Variants in NEBL observed in about 807,000 individuals in gnomAD.
The protein encoded by NEBL is nebulette.
NEBL carries 122 observed loss-of-function variants against 140.2 expected under a neutral mutation model. That is an observed-to-expected ratio of 0.87 (90% CI 0.75 to 1.01). NEBL has a LOEUF of 1.01. NEBL is among the 50% of genes least tolerant of loss of function. NEBL has a pLI of 0.00. For synonymous variants in NEBL, 436 were observed against 398.9 expected (o/e 1.09, Z -1.11); for missense variants, 1,365 against 1,231.3 (o/e 1.11, Z -1.62).
chr10:21,154,967 G>A (rs527988526), intron 2 of NEBL, among the ~76,000 whole-genome samples: 5 of 152,278 alleles, frequency 3.3e-5, no homozygotes, highest in East Asian at 1.9e-4. Flanking sequence ...TTGGGAGGCC[G>A]AGGCGGGTGG....
intron 2 of NEBL, among the ~76,000 whole-genome samples, chr10:21,152,842 A>G (rs1050807748): frequency 4.6e-5 from 7 of 152,198 alleles, no homozygotes; most frequent in Admixed American, 1.3e-4. Context: ...CTTCTAAAAT[A>G]AAGAGTGACC....
At chr10:21,095,669 T>G (rs1837153679) in intron 2 of NEBL, among the ~76,000 whole-genome samples, 1 of 152,228 alleles carries the variant, frequency 6.6e-6, no homozygotes, top group Non-Finnish European at 1.5e-5. Flanking sequence ...AATCTGAATT[T>G]GGGGCACTTG....
At chr10:21,122,616 A>G (rs1564518824) in intron 2 of NEBL, among the ~76,000 whole-genome samples, 1 of 152,200 alleles carries the variant, frequency 6.6e-6, no homozygotes, top group Non-Finnish European at 1.5e-5. Context: ...GAAGAAGGGT[A>G]CTATAAAAGG....
intron 2 of NEBL, among the ~76,000 whole-genome samples, chr10:21,025,033 G>C (rs1838968639): frequency 6.6e-6 from 1 of 152,088 alleles, no homozygotes; most frequent in African/African-American, 2.4e-5. Context: ...AAGGAAAACA[G>C]AAGATTTCTC....
intron 3 of NEBL, among the ~76,000 whole-genome samples, chr10:21,220,574 T>C (rs1200704669): frequency 6.6e-6 from 1 of 152,164 alleles, no homozygotes; most frequent in Non-Finnish European, 1.5e-5. Flanking sequence ...AAAAGCTCCA[T>C]GACATTGATC....
chr10:21,096,847 A>G (rs1456462666), intron 2 of NEBL, among the ~76,000 whole-genome samples: 1 of 152,070 alleles, frequency 6.6e-6, no homozygotes, highest in Non-Finnish European at 1.5e-5. Context: ...GGCTAGTTTC[A>G]TCACATTGGT....
rs149458191 is a variant in NEBL at position 21,213,676 on chromosome 10, G to A, written n.348+34245C>T. Among the ~76,000 whole-genome samples, 624 of 152,334 alleles carry A rather than the reference G, an allele frequency of 4.1e-3. 2 individuals carry two copies. The highest frequency in any genetic ancestry group is 8.1e-3 in the Admixed American group (124 of 15,298). Reference sequence around the variant, plus strand: ...AGAAGGCCTGGGGCGACCTGGGCTTGAGGAGTAGAGTAAATAGAGAAAAAC... The same window carrying A: ...AGAAGGCCTGGGGCGACCTGGGCTTAAGGAGTAGAGTAAATAGAGAAAAAC... On this transcript the variant is annotated intron_variant and non_coding_transcript_variant, in intron 3 of 8. Transcript: ENST00000675702.
intron 13 of NEBL, 57 bp from the exon 14 acceptor site, chr10:20,835,680 C>T: frequency 8.5e-7 from 1 of 1,171,136 alleles, no homozygotes; most frequent in Non-Finnish European, 1.3e-6. Flanking sequence ...CATGCATCTG[C>T]AGTCAATGAT....
upstream of NEBL, chr10:20,899,315 T>C (rs1847738911): frequency 1.9e-6 from 2 of 1,045,826 alleles, no homozygotes; most frequent in Non-Finnish European, 2.6e-6. Flanking sequence ...ACCTTTTGGC[T>C]CATATTTGAG....
chr10:20,821,694 A>T (rs1839331981), intron 19 of NEBL, among the ~76,000 whole-genome samples: 1 of 152,200 alleles, frequency 6.6e-6, no homozygotes, highest in South Asian at 2.1e-4. Context: ...ATTGTCAGTA[A>T]GCCACATAAT....
At chr10:21,066,255 C>A (rs1835535681) in intron 2 of NEBL, among the ~76,000 whole-genome samples, 1 of 152,074 alleles carries the variant, frequency 6.6e-6, no homozygotes, top group Non-Finnish European at 1.5e-5. Context: ...CTTTTACAGA[C>A]CCGACATAGG....
intron 24 of NEBL, among the ~76,000 whole-genome samples, chr10:20,811,762 A>G (rs995750698): frequency 5.3e-5 from 8 of 152,212 alleles, no homozygotes; most frequent in Non-Finnish European, 1.2e-4. Context: ...AAAACCTAAC[A>G]CTGATATTAC....
Position 20,897,172 on chromosome 10 carries a change from C to A in NEBL, c.34G>T (p.Glu12Ter). 1 of 1,606,360 alleles carries A rather than the reference C, an allele frequency of 6.2e-7. No individual in the cohort carries two copies. The highest frequency in any genetic ancestry group is 1.7e-5 in the Admixed American group (1 of 59,720). Residue 12 changes from glutamate (E) to a stop codon, truncating the protein, a stop_gained, in exon 1 of 28, where the codon GAA (glutamate) becomes TAA (stop). Coordinates refer to ENST00000377122, the MANE Select transcript of NEBL (RefSeq NM_006393.3). LOFTEE classifies it high-confidence loss of function. Reference protein sequence around the residue: ...RVPVFEDIKDETEEEKIGEEE... With the variant: ...RVPVFEDIKD The stretch of plus-strand genomic sequence containing the variant: ...TCCCCTATCTTTTCTTCTTCAGTTT[C>A]ATCTTTTATATCCTCAAATACAGGG...
At chr10:21,201,821 G>GAA (rs1841741479) in intron 3 of NEBL, among the ~76,000 whole-genome samples, 1 of 152,064 alleles carries the variant, frequency 6.6e-6, no homozygotes, top group Non-Finnish European at 1.5e-5. Flanking sequence ...GGATGGTTTG[G>GAA]AAAAGTTTCT....
chr10:21,206,093 T>G (rs1425342644), intron 3 of NEBL, among the ~76,000 whole-genome samples: 1 of 152,178 alleles, frequency 6.6e-6, no homozygotes, highest in Admixed American at 6.5e-5. Context: ...CATCAGGATG[T>G]TCTGGAATAA....
chr10:21,090,791 T>C (rs1159043093), intron 2 of NEBL, among the ~76,000 whole-genome samples: 5 of 152,178 alleles, frequency 3.3e-5, no homozygotes, highest in Non-Finnish European at 7.3e-5. Flanking sequence ...AGCTCATCGT[T>C]GCTGGCCCCT....
exon 4 of NEBL, chr10:20,961,702 T>G: frequency 1.9e-6 from 3 of 1,613,800 alleles, no homozygotes; most frequent in Non-Finnish European, 2.5e-6. Flanking sequence ...TCCTCTTCAG[T>G]CTCTGTAGCT....
At chr10:20,939,417 A>G (rs1834711203) in intron 4 of NEBL, among the ~76,000 whole-genome samples, 1 of 152,182 alleles carries the variant, frequency 6.6e-6, no homozygotes, top group Non-Finnish European at 1.5e-5. Flanking sequence ...CCTGCCCTAA[A>G]AGAGCTCCTG....
At chr10:20,867,822 T>G (rs971148848) in intron 7 of NEBL, 1 of 152,090 alleles carries the variant, frequency 6.6e-6, no homozygotes, top group African/African-American at 2.4e-5. Context: ...TTATCATATA[T>G]TAAATTCTTA....
Sources: allele counts gnomAD v4.1 joint callset (sites outside exome capture counted in the v4.1 genomes callset), GRCh38; gene constraint gnomAD v4.1.1; transcripts MANE v1.5; gene names NCBI Gene and HGNC (gene_info 2026-07-23, HGNC 2026-07-21).